Variants in FBXO43 observed in about 807,000 individuals in gnomAD.
FBXO43 encodes the protein F-box only protein 43.
Under a neutral mutation model 56.7 loss-of-function variants are expected in FBXO43, and 22 were observed. The observed-to-expected ratio is 0.39, with a 90% CI of 0.28 to 0.55. FBXO43 has a LOEUF of 0.55. FBXO43 is among the 20% of genes least tolerant of loss of function. The pLI, the probability that FBXO43 is intolerant of heterozygous loss-of-function variation, is 0.66. For missense variants in FBXO43, 733 were observed against 814.9 expected (o/e 0.90, Z 1.22); for synonymous variants, 306 against 294.5 (o/e 1.04, Z -0.40).
In FBXO43 at chr8:100,140,866, C is replaced by A; in HGVS notation, c.1388G>T (p.Gly463Val). The A allele has an allele frequency of 6.2e-7, 1 of 1,614,190 alleles. No individual in the cohort carries two copies. Among genetic ancestry groups the A allele is most frequent in the South Asian group, 1.1e-5 (1 of 91,078 alleles). Residue 463 changes from glycine to valine, a missense_variant, in exon 2 of 5, where the codon GGA (glycine) becomes GTA (valine). Gly to Val is a moderately radical substitution (Grantham distance 109). Transcript: ENST00000428847. ...ATCCCCTTGCTCTAAGAATTCATGT[C>A]CACTATTTTCCTGTAATCTTTTCCT... ...SKRKRLQENS[G>V]HEFLEQGDGE...
chr8:100,147,180 A>AT (rs79383735), upstream of FBXO43, among the ~76,000 whole-genome samples: 7,422 of 152,288 alleles, frequency 0.049, 541 homozygotes, highest in African/African-American at 0.15. Flanking sequence ...CTATGTGCCA[A>AT]TTACTGTGCT....
upstream of FBXO43, among the ~76,000 whole-genome samples, chr8:100,146,973 G>A (rs1456481633): frequency 6.6e-6 from 1 of 151,944 alleles, no homozygotes; most frequent in African/African-American, 2.4e-5. Flanking sequence ...TCAGCCTCCC[G>A]AGTAGCTGGG....
chr8:100,144,008 G>A (rs1338487782), intron 1 of FBXO43, among the ~76,000 whole-genome samples: 1 of 152,188 alleles, frequency 6.6e-6, no homozygotes, highest in East Asian at 1.9e-4. Flanking sequence ...CTGACCTCAG[G>A]TGATCCACCC....
In FBXO43 at chr8:100,141,853, T is replaced by C. The variant is rs1235945228; in HGVS notation, c.401A>G (p.Glu134Gly). 2 of 1,590,926 alleles carry C rather than the reference T, an allele frequency of 1.3e-6. No individual in the cohort carries two copies. The highest frequency in any genetic ancestry group is 2.3e-5 in the South Asian group (2 of 85,114). The change falls in exon 2 of 5, where the codon GAA (glutamate) becomes GGA (glycine). Residue 134 changes from glutamate to glycine, a missense_variant. Coordinates refer to ENST00000428847, the MANE Select transcript of FBXO43 (RefSeq NM_001029860.4). Reference protein sequence around the residue: ...QKKKCILPRKEKDKTPELCET... With the variant: ...QKKKCILPRKGKDKTPELCET... ...ACAAAGTTCTGGGGTTTTATCCTTT[T>C]CCTTTCTAGGCAAGATACATTTCTT...
intron 2 of FBXO43, 73 bp downstream of exon 2, chr8:100,140,610 C>T: frequency 8.4e-7 from 1 of 1,185,784 alleles, no homozygotes; most frequent in East Asian, 2.4e-5. Flanking sequence ...TAAAGGACAA[C>T]CACTCAAGTC....
intron 1 of FBXO43, among the ~76,000 whole-genome samples, chr8:100,142,866 C>T (rs1814701855): frequency 2.0e-5 from 3 of 152,218 alleles, no homozygotes; most frequent in African/African-American, 7.2e-5. Context: ...GCATGTTGTA[C>T]TTATTCATAT....
Position 100,140,754 on chromosome 8 carries a change from T to C in FBXO43, c.1500A>G (p.Glu500=). 6.2e-7 allele frequency: 1 copy of C among 1,613,696 alleles called. No individual in the cohort carries two copies. The highest frequency in any genetic ancestry group is 1.3e-5 in the African/African-American group (1 of 75,054). The change falls in exon 2 of 5, where the codon GAA becomes GAG. Residue 500 remains glutamate (E), a synonymous_variant. Transcript: ENST00000428847. ...MGIEKLDILT[E]LKYRNLKHIL... is the part of the protein sequence containing the mutation. The stretch of plus-strand genomic sequence containing the variant: ...TATGCTTTAAATTTCTATATTTTAA[T>C]TCTGTTAAGATGTCCAGTTTTTCTA...
At chr8:100,136,142 T>C (rs542479651) in intron 3 of FBXO43, among the ~76,000 whole-genome samples, 1 of 152,320 alleles carries the variant, frequency 6.6e-6, no homozygotes, top group South Asian at 2.1e-4. Flanking sequence ...GCAATTAATA[T>C]CTTCCTTATT....
upstream of FBXO43, among the ~76,000 whole-genome samples, chr8:100,147,068 G>T (rs970058195): frequency 1.3e-5 from 2 of 152,076 alleles, no homozygotes; most frequent in Non-Finnish European, 2.9e-5. Context: ...GGCTGGTCTC[G>T]AACTCCTGAC....
chr8:100,140,564 T>C, intron 2 of FBXO43, 119 bp downstream of exon 2: 1 of 762,324 alleles, frequency 1.3e-6, no homozygotes, highest in South Asian at 2.0e-5. Flanking sequence ...CTATCTTTGA[T>C]ATAAGACAAC....
chr8:100,143,917 G>A (rs1420883608), intron 1 of FBXO43, among the ~76,000 whole-genome samples: 3 of 152,020 alleles, frequency 2.0e-5, no homozygotes, highest in Non-Finnish European at 4.4e-5. Context: ...GATTACAGGC[G>A]CCCACGACCA....
upstream of FBXO43, among the ~76,000 whole-genome samples, chr8:100,146,403 C>T (rs928845095): frequency 4.6e-5 from 7 of 152,066 alleles, no homozygotes; most frequent in Non-Finnish European, 1.0e-4. Context: ...TTGAGACCAG[C>T]CTGGGCAACA....
In FBXO43 at chr8:100,137,521, T is replaced by C. The variant is rs778358469; in HGVS notation, c.1674+44A>G. ...GTTGTCTAGCAACATGAGATTATTA[T>C]GTATTTATACAAATCCATTTTAGAG... On this transcript the variant is annotated intron_variant, in intron 3 of 4. Coordinates refer to ENST00000428847, the MANE Select transcript of FBXO43 (RefSeq NM_001029860.4). 23 of 1,269,756 alleles carry C rather than the reference T, an allele frequency of 1.8e-5. No homozygotes were observed. The South Asian group carries it at 2.7e-4, about 15-fold the overall frequency. 78.7% of individuals were successfully genotyped at this position (1,269,756 alleles called of 1,614,324 possible). A position where few individuals can be genotyped will look rare whatever the true frequency, so the allele number is the denominator to read the frequency against.
upstream of FBXO43, among the ~76,000 whole-genome samples, chr8:100,148,526 C>G (rs1814868686): frequency 6.6e-6 from 1 of 152,182 alleles, no homozygotes; most frequent in South Asian, 2.1e-4. Context: ...ATTCTTGCAC[C>G]TCAGCCTTCC....
In FBXO43 at chr8:100,141,423, A is replaced by C. The variant is rs747668264; in HGVS notation, c.831T>G (p.Asn277Lys). ...SDSSLCINDE[N>K]ACPELLGSSV... The stretch of plus-strand genomic sequence containing the variant: ...AGGAGCCCAGGAGCTCTGGACATGC[A>C]TTCTCATCATTAATGCATAAACTGC... The change falls in exon 2 of 5, where the codon AAT (asparagine) becomes AAG (lysine). Residue 277 changes from asparagine (N) to lysine (K), a missense_variant. Physicochemically the swap from Asn to Lys is moderately conservative, Grantham distance 94 (BLOSUM62 0). Transcript: ENST00000428847. The C allele has an allele frequency of 2.5e-6, 4 of 1,613,540 alleles. No homozygotes were observed. The African/African-American group carries it at 5.3e-5, about 22-fold the overall frequency.
chr8:100,138,331 T>C (rs1295507519), intron 2 of FBXO43, among the ~76,000 whole-genome samples: 1 of 152,164 alleles, frequency 6.6e-6, no homozygotes, highest in Non-Finnish European at 1.5e-5. Context: ...AGGAGTAAGG[T>C]CAGAAAAGAT....
intron 2 of FBXO43, among the ~76,000 whole-genome samples, chr8:100,138,785 C>T (rs1814551196): frequency 1.3e-5 from 2 of 152,118 alleles, no homozygotes; most frequent in African/African-American, 4.8e-5. Context: ...CACCTGTGAC[C>T]CCAGCACTTT....
chr8:100,141,228 C>G lies in FBXO43; in HGVS notation c.1026G>C (p.Glu342Asp). ...EDSGFNSLSL[E>D]KSEDSLSDQE... The stretch of plus-strand genomic sequence containing the variant: ...GGTCAGACAGGGAATCTTCTGATTT[C>G]TCCAAGCTAAGTGAGTTAAAACCAC... Residue 342 changes from glutamate to aspartate, a missense_variant, in exon 2 of 5, where the codon GAG becomes GAC. Glu to Asp is a conservative substitution (Grantham distance 45). Transcript: ENST00000428847. The G allele has an allele frequency of 6.2e-7, 1 of 1,614,142 alleles. No homozygotes were observed. Among genetic ancestry groups the G allele is most frequent in the East Asian group, 2.2e-5 (1 of 44,882 alleles).
intron 2 of FBXO43, 65 bp from the exon 3 acceptor site, chr8:100,137,732 G>A (rs1025607796): frequency 1.0e-4 from 116 of 1,150,636 alleles, no homozygotes; most frequent in Non-Finnish European, 1.2e-4. Context: ...TGTTGTATAC[G>A]CTAACTAATG....
Sources: allele counts gnomAD v4.1 joint callset (sites outside exome capture counted in the v4.1 genomes callset), GRCh38; gene constraint gnomAD v4.1.1; transcripts MANE v1.5; gene names NCBI Gene and HGNC (gene_info 2026-07-23, HGNC 2026-07-21).